The following CMTM4 variants were observed in gnomAD, a reference collection of about 807,000 sequenced individuals.
The protein encoded by CMTM4 is CKLF like MARVEL transmembrane domain containing 4, also known as CKLF-like MARVEL transmembrane domain-containing protein 4.
A neutral mutation model predicts 19.0 loss-of-function variants in CMTM4; 8 were observed. The observed-to-expected ratio is 0.42, with a 90% CI of 0.25 to 0.76. The LOEUF (loss-of-function observed/expected upper bound fraction) is 0.76, where lower values mean the gene tolerates loss of function less well. Among genes scored for constraint, CMTM4 ranks in the 30% least tolerant of loss-of-function variants. CMTM4 has a pLI of 0.27. For missense variants in CMTM4, 228 were observed against 290.2 expected (o/e 0.79, Z 1.56); for synonymous variants, 106 against 121.1 (o/e 0.88, Z 0.82).
intron 1 of CMTM4, among the ~76,000 whole-genome samples, chr16:66,685,034 A>G (rs2017006978): frequency 6.6e-6 from 1 of 152,306 alleles, no homozygotes; most frequent in South Asian, 2.1e-4. Context: ...TTATTTTCCA[A>G]ATAAAAATAT....
chr16:66,627,916 T>C (rs1427517735), intron 2 of CMTM4, among the ~76,000 whole-genome samples: 1 of 152,188 alleles, frequency 6.6e-6, no homozygotes, highest in African/African-American at 2.4e-5. Context: ...TTGATTATTA[T>C]TTTCATTATC....
chr16:66,610,153 G>T, downstream of CMTM4: 1 of 969,090 alleles, frequency 1.0e-6, no homozygotes. This position sits in a 1 kb window ranked among gnomAD's most constrained non-coding sequence, Gnocchi z 4.6. Flanking sequence ...CTACCCTCAT[G>T]CAGCACTGAT....
At chr16:66,600,133 TG>T in the CMTM4 span, among the ~76,000 whole-genome samples, 1 of 140,568 alleles carries the variant, frequency 7.1e-6, no homozygotes, top group African/African-American at 2.8e-5. Context: ...TGTGTGTGTG[TG>T]TGTTTTTTTT....
intron 1 of CMTM4, among the ~76,000 whole-genome samples, chr16:66,641,602 G>A (rs756964536): frequency 2.6e-5 from 4 of 152,072 alleles, no homozygotes; most frequent in East Asian, 1.9e-4. Flanking sequence ...AGCAAGAAGC[G>A]GTGCCAGGAT....
intron 1 of CMTM4, among the ~76,000 whole-genome samples, chr16:66,671,321 G>A (rs530564258): frequency 6.6e-6 from 1 of 152,298 alleles, no homozygotes; most frequent in East Asian, 1.9e-4. Context: ...GGCACGGGTG[G>A]CTGGATGGAA....
chr16:66,643,184 G>A (rs896169611), intron 1 of CMTM4, among the ~76,000 whole-genome samples: 2 of 152,178 alleles, frequency 1.3e-5, no homozygotes, highest in Non-Finnish European at 2.9e-5. Flanking sequence ...GCCCTGCAAA[G>A]TACTGGGATT....
chr16:66,612,799 T>C, downstream of CMTM4: 1 of 693,698 alleles, frequency 1.4e-6, no homozygotes, highest in Non-Finnish European at 2.4e-6. The surrounding 1 kb of genome is among the most constrained non-coding windows in gnomAD (Gnocchi z 6.0). Context: ...GAGCCCAGCC[T>C]ACCAGGCTTG....
chr16:66,598,937 C>G, the CMTM4 span, among the ~76,000 whole-genome samples: 6 of 151,868 alleles, frequency 4.0e-5, no homozygotes, highest in South Asian at 1.3e-3. Flanking sequence ...CAGTTCAAGA[C>G]CAGCCAGGGC....
chr16:66,683,417 G>A lies in CMTM4; in HGVS notation c.186+12923C>T, dbSNP rs1481800541. 2.3e-4 allele frequency among the ~76,000 whole-genome samples: 33 copies of A among 140,764 alleles called. 2 individuals carry two copies. Among genetic ancestry groups the A allele is most frequent in the East Asian group, 4.5e-4 (2 of 4,454 alleles). 92.3% of individuals were successfully genotyped at this position (140,764 alleles called of 152,430 possible). The stretch of plus-strand genomic sequence containing the variant: ...CATCATTCTCCTGCCTCAGCCTCCC[G>A]AGCAGCTGGGACTACAGGCGCCCAC... On this transcript the variant is annotated intron_variant, in intron 1 of 3. Transcript: ENST00000394106.
At chr16:66,605,243 GA>G in the CMTM4 span, 1 of 285,036 alleles carries the variant, frequency 3.5e-6, no homozygotes, top group Non-Finnish European at 6.5e-6. The surrounding 1 kb of genome is among the most constrained non-coding windows in gnomAD (Gnocchi z 4.6). Flanking sequence ...CCTGCTGTGT[GA>G]GCCAGGCGCC....
intron 1 of CMTM4, among the ~76,000 whole-genome samples, chr16:66,676,652 T>C (rs1040355977): frequency 1.3e-5 from 2 of 152,352 alleles, no homozygotes; most frequent in East Asian, 1.9e-4. Flanking sequence ...ATTTATATCA[T>C]GTATTCACCT....
rs771044359 is a variant in CMTM4 at position 66,674,732 on chromosome 16, C to CTTTTTTTTTTT, written c.186+21597_186+21607dup. ...CAAGTGCTGAAAGGTGTTACATATT[C>CTTTTTTTTTTT]TTTTTTTTTTTTTTTTTTTTTTTTT... On this transcript the variant is annotated intron_variant, in intron 1 of 3. Transcript: ENST00000394106. Among the ~76,000 whole-genome samples the CTTTTTTTTTTT allele has an allele frequency of 7.6e-5, 7 of 92,486 alleles. 1 individual carries two copies. The South Asian group carries it at 1.2e-3, about 16-fold the overall frequency. 60.7% of individuals were successfully genotyped at this position (92,486 alleles called of 152,430 possible). A position where few individuals can be genotyped will look rare whatever the true frequency, so the allele number is the denominator to read the frequency against.
chr16:66,658,903 A>G (rs1185624084), intron 1 of CMTM4, among the ~76,000 whole-genome samples: 2 of 152,208 alleles, frequency 1.3e-5, no homozygotes, highest in Non-Finnish European at 2.9e-5. Flanking sequence ...GCACCCACCA[A>G]TCAATCTTGG....
chr16:66,607,374 G>C, the CMTM4 span, among the ~76,000 whole-genome samples: 1 of 152,358 alleles, frequency 6.6e-6, no homozygotes, highest in East Asian at 1.9e-4. Context: ...TAAGGCAGCA[G>C]GGCCTGAGGT....
the CMTM4 span, among the ~76,000 whole-genome samples, chr16:66,606,443 A>G: frequency 1.1e-4 from 16 of 152,104 alleles, no homozygotes; most frequent in Non-Finnish European, 2.4e-4. Flanking sequence ...GCCTTAGTCT[A>G]TCTTTCCAAA....
At chr16:66,626,740 A>T (rs1393521481) in intron 2 of CMTM4, among the ~76,000 whole-genome samples, 1 of 151,978 alleles carries the variant, frequency 6.6e-6, no homozygotes, top group Non-Finnish European at 1.5e-5. Flanking sequence ...ACTGCACTCC[A>T]GCCTGAGAGA....
At chr16:66,609,177 C>A in the CMTM4 span, among the ~76,000 whole-genome samples, 3 of 151,784 alleles carry the variant, frequency 2.0e-5, no homozygotes, top group African/African-American at 7.3e-5. The surrounding 1 kb of genome is among the most constrained non-coding windows in gnomAD (Gnocchi z 4.4). Flanking sequence ...AGGCTGCACC[C>A]TGATCCACAC....
intron 1 of CMTM4, among the ~76,000 whole-genome samples, chr16:66,638,084 A>C (rs1307667391): frequency 1.3e-5 from 2 of 151,894 alleles, no homozygotes; most frequent in Admixed American, 6.6e-5. Context: ...CCTCCTCCCC[A>C]TGTCTTCCCT....
rs1406644242 is a variant in CMTM4, at chr16:66,617,052, C to T, written c.*5006G>A. On this transcript the variant is annotated 3_prime_UTR_variant, in exon 4 of 4. Transcript: ENST00000394106. ...TGACTAAGGTGGTCTGAGATATGTT[C>T]TTACTCCTAAACTCAAACTTTAAAA... 1 of 427,614 alleles carries T rather than the reference C, an allele frequency of 2.3e-6. No individual in the cohort carries two copies. The highest frequency in any genetic ancestry group is 4.0e-5 in the Admixed American group (1 of 25,242). 26.5% of individuals were successfully genotyped at this position (427,614 alleles called of 1,614,324 possible). A position where few individuals can be genotyped will look rare whatever the true frequency, so the allele number is the denominator to read the frequency against.
Sources: allele counts gnomAD v4.1 joint callset (sites outside exome capture counted in the v4.1 genomes callset), GRCh38; gene constraint gnomAD v4.1.1; non-coding constraint Gnocchi (gnomAD v3.1); transcripts MANE v1.5; gene names NCBI Gene and HGNC (gene_info 2026-07-23, HGNC 2026-07-21).